WAPL: variants seen among roughly 807,000 people sequenced by gnomAD.
WAPL encodes the protein WAPL cohesin release factor.
A neutral mutation model predicts 121.0 loss-of-function variants in WAPL; 5 were observed. That is an observed-to-expected ratio of 0.04 (90% CI 0.02 to 0.09). WAPL has a LOEUF of 0.09. Ranked by LOEUF, WAPL falls within the 10% of genes least tolerant of loss-of-function variation. WAPL has a pLI of 1.00. For synonymous variants in WAPL, 480 were observed against 481.5 expected (o/e 1.00, Z 0.04); for missense variants, 999 against 1,410.8 (o/e 0.71, Z 4.68).
chr10:86,482,725 A>G (rs1589520885), intron 4 of WAPL, among the ~76,000 whole-genome samples: 1 of 152,362 alleles, frequency 6.6e-6, no homozygotes, highest in African/African-American at 2.4e-5. Context: ...ATAATTAAAT[A>G]CAGTAATAGA....
chr10:86,492,678 A>G (rs1842073415), intron 4 of WAPL, among the ~76,000 whole-genome samples: 1 of 152,206 alleles, frequency 6.6e-6, no homozygotes, highest in Non-Finnish European at 1.5e-5. Flanking sequence ...GTGAGGCAAC[A>G]AATTAAATGA....
chr10:86,467,098 CTAGTT>C, intron 9 of WAPL, 176 bp downstream of exon 9: 2 of 584,328 alleles, frequency 3.4e-6, no homozygotes, highest in East Asian at 2.9e-5. Flanking sequence ...TACAGATAAA[CTAGTT>C]TAGGAAGTTC....
chr10:86,449,659 T>A (rs1840923629), intron 15 of WAPL, among the ~76,000 whole-genome samples: 5 of 152,186 alleles, frequency 3.3e-5, no homozygotes, highest in Admixed American at 3.3e-4. Flanking sequence ...CCCTATTATG[T>A]GGATAATGCA....
intron 4 of WAPL, among the ~76,000 whole-genome samples, chr10:86,485,502 A>G (rs1166403720): frequency 6.6e-6 from 1 of 152,040 alleles, no homozygotes; most frequent in Non-Finnish European, 1.5e-5. Flanking sequence ...GCGCCACTGC[A>G]CTCCAGCCTG....
At chr10:86,469,083 G>GAC (rs1387052495) in intron 8 of WAPL, among the ~76,000 whole-genome samples, 18 of 151,710 alleles carry the variant, frequency 1.2e-4, no homozygotes, top group African/African-American at 2.4e-5. Flanking sequence ...CAGCCTGGGC[G>GAC]ACAGAGCAAG....
Position 86,480,737 on chromosome 10 carries a change from GATGCTTGC to G in WAPL, c.1645-6772_1645-6765del, listed in dbSNP as rs551762237. On this transcript the variant is annotated intron_variant, in intron 4 of 18. Coordinates refer to ENST00000298767, the MANE Select transcript of WAPL (RefSeq NM_015045.5). ...GCTCACATAGATTTCTCAACATCTT[GATGCTTGC>G]ATGGGCATGTGACTAAGCTCTTGCC... Among the ~76,000 whole-genome samples the G allele has an allele frequency of 1.3e-3, 202 of 152,340 alleles. 1 individual carries two copies. Among genetic ancestry groups the G allele is most frequent in the Non-Finnish European group, 2.0e-3 (134 of 68,044 alleles).
At chr10:86,446,918 T>C (rs1849635848) in intron 15 of WAPL, among the ~76,000 whole-genome samples, 1 of 152,214 alleles carries the variant, frequency 6.6e-6, no homozygotes, top group South Asian at 2.1e-4. Flanking sequence ...CCTCAAAGAT[T>C]TGTTGAGTAT....
In WAPL at chr10:86,436,034, A is replaced by G. The variant is rs1327849112; in HGVS notation, c.*1509T>C. The G allele has an allele frequency of 1.3e-5, 2 of 152,604 alleles. No individual in the cohort carries two copies. Among genetic ancestry groups the G allele is most frequent in the Non-Finnish European group, 2.9e-5 (2 of 68,020 alleles). The allele number at this position is 152,604 out of a possible 1,614,324, so 9.5% of individuals were successfully genotyped here. A position where few individuals can be genotyped will look rare whatever the true frequency, so the allele number is the denominator to read the frequency against. On this transcript the variant is annotated 3_prime_UTR_variant, in exon 19 of 19. Transcript: ENST00000298767. The stretch of plus-strand genomic sequence containing the variant: ...GTGATGGGTAGGGGTTGGGGTGGGT[A>G]GAAGGAAGAAAACAATTTGCCTGGA...
At chr10:86,457,036 T>A (rs1841164254) in intron 12 of WAPL, among the ~76,000 whole-genome samples, 1 of 151,958 alleles carries the variant, frequency 6.6e-6, no homozygotes, top group South Asian at 2.1e-4. Flanking sequence ...TTGTCAGAGG[T>A]TATGAAGTAT....
At chr10:86,452,291 G>GAAAAAAA (rs11345126) in intron 14 of WAPL, among the ~76,000 whole-genome samples, 160 bp from the exon 15 acceptor site, 5 of 147,856 alleles carry the variant, frequency 3.4e-5, no homozygotes, top group African/African-American at 2.5e-5. Context: ...AAGAAAAAAA[G>GAAAAAAA]AAAAAAAAAA....
At chr10:86,458,615 A>G (rs566610264) in intron 12 of WAPL, among the ~76,000 whole-genome samples, 2 of 152,188 alleles carry the variant, frequency 1.3e-5, no homozygotes, top group Non-Finnish European at 2.9e-5. Context: ...TAAATTTTTT[A>G]TATGTATTTT....
intron 4 of WAPL, among the ~76,000 whole-genome samples, chr10:86,489,303 A>G (rs978284809): frequency 6.6e-6 from 1 of 152,232 alleles, no homozygotes; most frequent in South Asian, 2.1e-4. Context: ...TTTGCTATAA[A>G]GAACATTACT....
At position 86,494,866 on chromosome 10, in the gene WAPL, C is replaced by T. The variant is rs531917422; in HGVS notation, c.1644+2335G>A. 3.4e-4 allele frequency among the ~76,000 whole-genome samples: 52 copies of T among 152,234 alleles called. No individual in the cohort carries two copies. In the South Asian group the frequency reaches 0.01, roughly 30 times the overall value. ...TTGGGGTAGTACTGTAGAAGAATAT[C>T]CAAAATTACCTGAAAAGCTTATTAA... On this transcript the variant is annotated intron_variant, in intron 4 of 18. Transcript: ENST00000298767.
intron 1 of WAPL, 55 bp from the exon 2 acceptor site, chr10:86,518,146 T>C: frequency 6.7e-7 from 1 of 1,489,210 alleles, no homozygotes; most frequent in Non-Finnish European, 9.0e-7. Flanking sequence ...TGTTAAACAG[T>C]GCATATAAAA....
chr10:86,493,960 G>A (rs893531407), intron 4 of WAPL, among the ~76,000 whole-genome samples: 5 of 152,094 alleles, frequency 3.3e-5, no homozygotes, highest in South Asian at 2.1e-4. Flanking sequence ...CTGAGATTGC[G>A]CCACTGCACT....
intron 4 of WAPL, among the ~76,000 whole-genome samples, chr10:86,486,495 G>A (rs889472334): frequency 3.9e-5 from 6 of 152,184 alleles, no homozygotes; most frequent in African/African-American, 9.7e-5. Context: ...AACTAAATAT[G>A]TAACCATGAT....
At chr10:86,448,311 C>A (rs1004018639) in intron 15 of WAPL, among the ~76,000 whole-genome samples, 7 of 151,946 alleles carry the variant, frequency 4.6e-5, no homozygotes, top group African/African-American at 1.7e-4. Flanking sequence ...CTTAGCCAAA[C>A]GTGGTGGCAT....
Position 86,472,380 on chromosome 10 carries a change from AG to A in WAPL, c.1894-37del. The stretch of plus-strand genomic sequence containing the variant: ...AAAAAAAGTTCACCCCTTTTTAACT[AG>A]GAACTAGCATATTTAAATCTATGGG... On this transcript the variant is annotated intron_variant, in intron 6 of 18. Coordinates refer to ENST00000298767, the MANE Select transcript of WAPL (RefSeq NM_015045.5). The surrounding 1 kb of genome is among the most constrained non-coding windows in gnomAD (Gnocchi z 4.2). 1 of 1,583,420 alleles carries A rather than the reference AG, an allele frequency of 6.3e-7. No homozygotes were observed.
At chr10:86,469,452 C>T (rs902897699) in intron 8 of WAPL, among the ~76,000 whole-genome samples, 5 of 151,728 alleles carry the variant, frequency 3.3e-5, no homozygotes, top group Admixed American at 2.6e-4. Context: ...TGGGGTTTCA[C>T]CATGTTGCCC....
Sources: allele counts gnomAD v4.1 joint callset (sites outside exome capture counted in the v4.1 genomes callset), GRCh38; gene constraint gnomAD v4.1.1; non-coding constraint Gnocchi (gnomAD v3.1); transcripts MANE v1.5; gene names NCBI Gene and HGNC (gene_info 2026-07-23, HGNC 2026-07-21).